ANKFN1: variants seen among roughly 807,000 people sequenced by gnomAD.
ANKFN1 encodes the protein ankyrin repeat and fibronectin type III domain containing 1.
A neutral mutation model predicts 108.7 loss-of-function variants in ANKFN1; 74 were observed. That is an observed-to-expected ratio of 0.68 (90% CI 0.56 to 0.83). The LOEUF is 0.83. Among genes scored for constraint, ANKFN1 ranks in the 40% least tolerant of loss-of-function variants. The pLI, the probability that ANKFN1 is intolerant of heterozygous loss-of-function variation, is 0.00. For missense variants in ANKFN1, 1,505 were observed against 1,382.3 expected, an observed-to-expected ratio of 1.09 and a Z score of -1.41; for synonymous variants, 547 against 516.2, an observed-to-expected ratio of 1.06 and a Z score of -0.81.
intron 6 of ANKFN1, among the ~76,000 whole-genome samples, chr17:56,357,171 T>C (rs2046397948): frequency 6.6e-6 from 1 of 152,206 alleles, no homozygotes; most frequent in Admixed American, 6.6e-5. Flanking sequence ...CTAAGTCACC[T>C]TGGCTACCTA....
At chr17:56,508,117 C>T (rs1362455624) in intron 20 of ANKFN1, among the ~76,000 whole-genome samples, 1 of 152,166 alleles carries the variant, frequency 6.6e-6, no homozygotes, top group African/African-American at 2.4e-5. Context: ...GCCCCACAGC[C>T]TGAACAAGGT....
intron 19 of ANKFN1, among the ~76,000 whole-genome samples, chr17:56,492,793 T>G (rs1271384665): frequency 6.6e-6 from 1 of 152,156 alleles, no homozygotes; most frequent in Non-Finnish European, 1.5e-5. Context: ...AAATTCCTCA[T>G]GTTTTGGGCT....
intron 2 of ANKFN1, among the ~76,000 whole-genome samples, chr17:56,216,709 ACTC>A (rs1489093313): frequency 1.3e-5 from 2 of 152,008 alleles, no homozygotes; most frequent in African/African-American, 4.8e-5. Context: ...AACAAGGCAC[ACTC>A]CTCTGTGCCT....
At chr17:56,126,725 T>C (rs1246666304) in intron 4 of ANKFN1, among the ~76,000 whole-genome samples, 1 of 152,220 alleles carries the variant, frequency 6.6e-6, no homozygotes, top group South Asian at 2.1e-4. Context: ...GGGGCACTCT[T>C]AGCACTTGCT....
chr17:56,074,895 G>A (rs1366059889), intron 4 of ANKFN1, among the ~76,000 whole-genome samples: 2 of 152,192 alleles, frequency 1.3e-5, no homozygotes, highest in African/African-American at 4.8e-5. Flanking sequence ...CAGCCACAAA[G>A]GCTGTTTGTA....
At chr17:56,478,651 A>G (rs1249972326) in intron 16 of ANKFN1, among the ~76,000 whole-genome samples, 2 of 152,118 alleles carry the variant, frequency 1.3e-5, no homozygotes, top group African/African-American at 4.8e-5. Flanking sequence ...AGTCTGCTAT[A>G]ATGAACTGAA....
chr17:56,165,419 G>A (rs1041016715), intron 1 of ANKFN1, among the ~76,000 whole-genome samples: 1 of 152,262 alleles, frequency 6.6e-6, no homozygotes, highest in East Asian at 1.9e-4. Context: ...ATGAGATAGG[G>A]TATGCTTTAT....
At chr17:56,402,577 CT>C (rs1160306186) in intron 8 of ANKFN1, among the ~76,000 whole-genome samples, 23 of 151,978 alleles carry the variant, frequency 1.5e-4, no homozygotes, top group African/African-American at 5.6e-4. Context: ...GATTTTCTCT[CT>C]TCTTTTCTTG....
chr17:56,112,370 C>T (rs1240353511), intron 4 of ANKFN1, among the ~76,000 whole-genome samples: 1 of 152,134 alleles, frequency 6.6e-6, no homozygotes, highest in Middle Eastern at 3.4e-3. Flanking sequence ...AGTCGGGTTA[C>T]AACTAAAATC....
rs948442495 is a variant in ANKFN1 at position 56,499,204 on chromosome 17, A to G, written c.2644+106A>G. The G allele has an allele frequency of 1.8e-5, 19 of 1,069,244 alleles. No individual in the cohort carries two copies. The African/African-American group carries it at 2.8e-4, about 16-fold the overall frequency. The allele number at this position is 1,069,244 out of a possible 1,614,324, so 66.2% of individuals were successfully genotyped here. On this transcript the variant is annotated intron_variant, in intron 20 of 20. Coordinates refer to ENST00000682825, the MANE Select transcript of ANKFN1 (RefSeq NM_001370326.1). ...AGGTATTGGTTCCAGAAAGTGGATG[A>G]AAACACTGCTCAGGGGTAAGAGTCT...
intron 3 of ANKFN1, among the ~76,000 whole-genome samples, chr17:56,300,884 C>G (rs1166868789): frequency 6.6e-6 from 1 of 152,148 alleles, no homozygotes; most frequent in Non-Finnish European, 1.5e-5. Context: ...ATTTGGGTCC[C>G]TCCACCTTAA....
At chr17:56,109,675 T>C (rs867040220) in intron 4 of ANKFN1, among the ~76,000 whole-genome samples, 2 of 152,332 alleles carry the variant, frequency 1.3e-5, no homozygotes, top group East Asian at 1.9e-4. Context: ...TTGGATTGAC[T>C]AAAGCTGGCC....
intron 4 of ANKFN1, among the ~76,000 whole-genome samples, chr17:56,096,652 T>C (rs1474207041): frequency 6.6e-6 from 1 of 152,244 alleles, no homozygotes; most frequent in Non-Finnish European, 1.5e-5. Context: ...GTTTATACAC[T>C]GCTGGTGGAA....
At chr17:56,509,134 T>C (rs2051664375) in intron 20 of ANKFN1, among the ~76,000 whole-genome samples, 1 of 152,210 alleles carries the variant, frequency 6.6e-6, no homozygotes, top group African/African-American at 2.4e-5. Flanking sequence ...AGCTGCTGGA[T>C]AATATTCCAT....
At chr17:56,161,354 C>T (rs1909638932) in intron 1 of ANKFN1, among the ~76,000 whole-genome samples, 1 of 152,104 alleles carries the variant, frequency 6.6e-6, no homozygotes, top group African/African-American at 2.4e-5. Context: ...CTGAAGGGGT[C>T]CTAGTAACTG....
intron 1 of ANKFN1, among the ~76,000 whole-genome samples, chr17:56,194,799 AG>A (rs1054067873): frequency 6.6e-6 from 1 of 151,980 alleles, no homozygotes; most frequent in Non-Finnish European, 1.5e-5. Context: ...CACTCTGGTG[AG>A]GGGGGCTAGG....
intron 5 of ANKFN1, 137 bp downstream of exon 5, chr17:56,351,104 A>G (rs575855183): frequency 1.2e-6 from 1 of 816,388 alleles, no homozygotes; most frequent in East Asian, 2.7e-5. Flanking sequence ...AGATTCAGGT[A>G]GGGTAGTAAC....
chr17:56,427,427 T>G (rs914766448), intron 8 of ANKFN1, among the ~76,000 whole-genome samples: 1 of 152,172 alleles, frequency 6.6e-6, no homozygotes, highest in African/African-American at 2.4e-5. Context: ...GTTTATTTTT[T>G]TTTTACTCAG....
intron 6 of ANKFN1, among the ~76,000 whole-genome samples, chr17:56,361,398 A>G (rs1004154745): frequency 1.3e-5 from 2 of 152,120 alleles, no homozygotes; most frequent in East Asian, 1.9e-4. Flanking sequence ...CATAAAAACA[A>G]TAGAATTGTT....
Sources: allele counts gnomAD v4.1 joint callset (sites outside exome capture counted in the v4.1 genomes callset), GRCh38; gene constraint gnomAD v4.1.1; transcripts MANE v1.5; gene names NCBI Gene and HGNC (gene_info 2026-07-23, HGNC 2026-07-21).